Variants in DSE observed in about 807,000 individuals in gnomAD.
The protein encoded by DSE is dermatan-sulfate epimerase.
A neutral mutation model predicts 84.4 loss-of-function variants in DSE; 36 were observed. The ratio of observed to expected loss-of-function variants is 0.43; its 90% CI spans 0.33 to 0.56. The LOEUF (loss-of-function observed/expected upper bound fraction) is 0.56. Ranked by LOEUF, DSE falls within the 20% of genes least tolerant of loss-of-function variation. The probability of loss-of-function intolerance (pLI) is 0.06; values close to 1 mark genes in which losing one functional copy is unlikely to be tolerated. For synonymous variants in DSE, 410 were observed against 430.1 expected (o/e 0.95, Z 0.58); for missense variants, 862 against 1,169.6 (o/e 0.74, Z 3.84).
intron 2 of DSE, chr6:116,279,687 C>T (rs1249694232): frequency 6.2e-7 from 1 of 1,610,094 alleles, no homozygotes; most frequent in Non-Finnish European, 8.5e-7. Context: ...CCTCACCCGG[C>T]TCCGCCATCA....
chr6:116,288,624 G>A (rs2114666755), intron 2 of DSE: 1 of 152,174 alleles, frequency 6.6e-6, no homozygotes, highest in East Asian at 1.9e-4. Flanking sequence ...AGCCATATGT[G>A]TCTATTTTGA....
At chr6:116,254,278 T>C in exon 1 of DSE, 1 of 665,204 alleles carries the variant, frequency 1.5e-6, no homozygotes, top group Non-Finnish European at 2.8e-6. Flanking sequence ...TAAATGGATG[T>C]AGACCAGACT....
At chr6:116,347,785 T>C (rs1247744764) in intron 2 of DSE, among the ~76,000 whole-genome samples, 2 of 152,032 alleles carry the variant, frequency 1.3e-5, no homozygotes, top group Non-Finnish European at 2.9e-5. Flanking sequence ...AAAGCCAAAA[T>C]TGACAAATGG....
chr6:116,306,210 C>T (rs1188654852), intron 2 of DSE, among the ~76,000 whole-genome samples: 1 of 152,144 alleles, frequency 6.6e-6, no homozygotes, highest in Non-Finnish European at 1.5e-5. Flanking sequence ...ACTATTCTTG[C>T]AACCTTTCTA....
In DSE at chr6:116,271,044, C is replaced by T. The variant is rs776023895; in HGVS notation, c.-54+12077C>T. On this transcript the variant is annotated intron_variant, in intron 2 of 3. Coordinates refer to the DSE transcript ENST00000430252. ...TGTACTTGATGCAGAATTAGATATC[C>T]AAAGCCCAAATTGTGACCCCACAGG... Among the ~76,000 whole-genome samples, 9 of 152,306 alleles carry T rather than the reference C, an allele frequency of 5.9e-5. 3 individuals carry two copies. Among genetic ancestry groups the T allele is most frequent in the Admixed American group, 4.6e-4 (7 of 15,308 alleles).
At chr6:116,393,772 T>C in intron 1 of DSE, among the ~76,000 whole-genome samples, 1 of 152,334 alleles carries the variant, frequency 6.6e-6, no homozygotes, top group Non-Finnish European at 1.5e-5. Context: ...CCATCTTAGT[T>C]TGGGGCATGT....
intron 1 of DSE, chr6:116,256,823 T>C (rs1234312913): frequency 6.6e-6 from 1 of 152,232 alleles, no homozygotes; most frequent in Non-Finnish European, 1.5e-5. Context: ...TTACATTTTT[T>C]GCACATTAGA....
intron 1 of DSE, among the ~76,000 whole-genome samples, chr6:116,397,265 A>G (rs1781315763): frequency 7.4e-6 from 1 of 135,220 alleles, no homozygotes; most frequent in African/African-American, 2.9e-5. Flanking sequence ...CCTGGAGTGC[A>G]GTGGTGGATC....
At chr6:116,278,555 C>A (rs1228216840) in intron 2 of DSE, 1 of 1,614,176 alleles carries the variant, frequency 6.2e-7, no homozygotes, top group Non-Finnish European at 8.5e-7. Flanking sequence ...GGGATCTCTA[C>A]AGGCTCCCTT....
intron 2 of DSE, among the ~76,000 whole-genome samples, chr6:116,357,257 G>C (rs1428703777): frequency 6.6e-6 from 1 of 152,186 alleles, no homozygotes; most frequent in South Asian, 2.1e-4. Context: ...TATCAGCCGG[G>C]CACGGTGGCT....
intron 2 of DSE, among the ~76,000 whole-genome samples, chr6:116,295,196 A>G (rs1774585647): frequency 1.3e-5 from 2 of 152,138 alleles, no homozygotes; most frequent in South Asian, 4.1e-4. Context: ...TGAAGGCAGA[A>G]GAAAGGTGGG....
At chr6:116,340,648 C>G (rs1777536744) in intron 2 of DSE, among the ~76,000 whole-genome samples, 1 of 152,016 alleles carries the variant, frequency 6.6e-6, no homozygotes, top group Admixed American at 6.6e-5. Flanking sequence ...CAGCCCCCAC[C>G]CCCTGACAGG....
chr6:116,282,018 A>G (rs1773573432), intron 2 of DSE, among the ~76,000 whole-genome samples: 1 of 152,270 alleles, frequency 6.6e-6, no homozygotes, highest in Admixed American at 6.5e-5. Flanking sequence ...ACACTGTATG[A>G]CAAACGAACT....
At chr6:116,389,253 T>C (rs1780745863) in intron 1 of DSE, among the ~76,000 whole-genome samples, 2 of 152,164 alleles carry the variant, frequency 1.3e-5, no homozygotes, top group Non-Finnish European at 2.9e-5. Flanking sequence ...TGATCCATTT[T>C]ACAGAGGAGG....
intron 2 of DSE, among the ~76,000 whole-genome samples, chr6:116,342,227 T>C (rs2114822644): frequency 6.6e-6 from 1 of 152,020 alleles, no homozygotes; most frequent in East Asian, 1.9e-4. Flanking sequence ...TAATATATTG[T>C]AGTAAGTTTG....
At chr6:116,277,782 G>A (rs962495425) in intron 2 of DSE, 2 of 151,924 alleles carry the variant, frequency 1.3e-5, no homozygotes, top group African/African-American at 2.4e-5. Context: ...CGCGCCTGTA[G>A]TCCCAGCTAC....
chr6:116,416,700 C>G (rs1434922366), intron 2 of DSE, among the ~76,000 whole-genome samples: 1 of 151,936 alleles, frequency 6.6e-6, no homozygotes, highest in Non-Finnish European at 1.5e-5. Context: ...GTCCATCATC[C>G]TGGCTATTCT....
chr6:116,382,352 A>G (rs1780286897), intron 1 of DSE, among the ~76,000 whole-genome samples: 1 of 152,188 alleles, frequency 6.6e-6, no homozygotes, highest in African/African-American at 2.4e-5. Flanking sequence ...GGTTTATATG[A>G]TAATCAGTTA....
chr6:116,336,139 G>T (rs1777238212), intron 2 of DSE, among the ~76,000 whole-genome samples: 2 of 152,124 alleles, frequency 1.3e-5, no homozygotes, highest in South Asian at 4.2e-4. Flanking sequence ...ATTTTATTTT[G>T]ACTACATTTA....
Sources: gnomAD v4.1 joint callset for allele counts (sites outside exome capture counted in the v4.1 genomes callset) on GRCh38, gnomAD v4.1.1 for gene constraint, MANE v1.5 for transcripts, NCBI Gene and HGNC (gene_info 2026-07-23, HGNC 2026-07-21) for gene names.